The following MCPH1 variants were observed in gnomAD, a reference collection of about 807,000 sequenced individuals.
MCPH1 encodes microcephalin 1, also known as microcephalin.
MCPH1 carries 104 observed loss-of-function variants against 84.5 expected under a neutral mutation model. The ratio of observed to expected loss-of-function variants is 1.23; its 90% CI spans 1.05 to 1.45. The LOEUF is 1.45. Ranked by LOEUF, MCPH1 falls within the 40% of genes most tolerant of loss-of-function variation. MCPH1 has a pLI of 0.00. For missense variants in MCPH1, 1,498 were observed against 1,005.7 expected (o/e 1.49, Z -6.62); for synonymous variants, 514 against 366.8 (o/e 1.40, Z -4.58).
At chr8:6,568,191 GA>G (rs1297222079) in intron 12 of MCPH1, among the ~76,000 whole-genome samples, 5 of 152,148 alleles carry the variant, frequency 3.3e-5, no homozygotes, top group Non-Finnish European at 2.9e-5. Flanking sequence ...GCGCAAACAA[GA>G]AAAGCCAAAG....
intron 13 of MCPH1, among the ~76,000 whole-genome samples, chr8:6,638,508 G>C (rs1315381406): frequency 6.6e-6 from 1 of 151,430 alleles, no homozygotes; most frequent in African/African-American, 2.4e-5. Context: ...ACCACACAGA[G>C]CCATGGCTAG....
At chr8:6,417,885 A>G (rs1246927593) in intron 3 of MCPH1, among the ~76,000 whole-genome samples, 2 of 152,192 alleles carry the variant, frequency 1.3e-5, no homozygotes, top group African/African-American at 4.8e-5. Context: ...TGCACGTTGT[A>G]AATACTATGT....
At chr8:6,637,063 G>T (rs1158355224) in intron 13 of MCPH1, among the ~76,000 whole-genome samples, 1 of 152,182 alleles carries the variant, frequency 6.6e-6, no homozygotes, top group African/African-American at 2.4e-5. Context: ...ATTAGACTGG[G>T]CTACTTTCTT....
chr8:6,638,016 C>T (rs113020485), intron 13 of MCPH1, among the ~76,000 whole-genome samples: 8 of 152,178 alleles, frequency 5.3e-5, no homozygotes, highest in African/African-American at 1.2e-4. Flanking sequence ...AGCCAGGACC[C>T]GGGAGAAGCA....
intron 8 of MCPH1, among the ~76,000 whole-genome samples, chr8:6,448,294 G>T (rs949521842): frequency 3.9e-5 from 6 of 152,222 alleles, no homozygotes; most frequent in African/African-American, 1.4e-4. Flanking sequence ...TGTTTCAGCT[G>T]GAGGTAACAG....
At chr8:6,598,975 A>G (rs924033974) in intron 12 of MCPH1, among the ~76,000 whole-genome samples, 1 of 152,222 alleles carries the variant, frequency 6.6e-6, no homozygotes, top group African/African-American at 2.4e-5. Context: ...GACCCTAATT[A>G]GTTCTGATTC....
At chr8:6,526,482 C>G (rs1439528976) in intron 12 of MCPH1, among the ~76,000 whole-genome samples, 1 of 151,684 alleles carries the variant, frequency 6.6e-6, no homozygotes, top group African/African-American at 2.4e-5. Context: ...ATTGTTATAT[C>G]TCAATGATTG....
At chr8:6,599,302 A>C (rs978493055) in intron 12 of MCPH1, among the ~76,000 whole-genome samples, 10 of 152,136 alleles carry the variant, frequency 6.6e-5, no homozygotes, top group African/African-American at 2.4e-4. Context: ...TTTTTTTCCA[A>C]GTGACTCAGG....
At chr8:6,445,935 T>A (rs965960838) in intron 8 of MCPH1, 1 of 987,638 alleles carries the variant, frequency 1.0e-6, no homozygotes, top group African/African-American at 1.7e-5. Context: ...AGGTTCTTAA[T>A]AGTGAGGCTA....
At chr8:6,452,907 C>T (rs962839875) in intron 8 of MCPH1, among the ~76,000 whole-genome samples, 2 of 152,182 alleles carry the variant, frequency 1.3e-5, no homozygotes, top group Non-Finnish European at 2.9e-5. Flanking sequence ...AGTGCATGTT[C>T]GTTGGAATTT....
chr8:6,489,487 G>A (rs975029468), intron 11 of MCPH1, among the ~76,000 whole-genome samples: 3 of 152,172 alleles, frequency 2.0e-5, no homozygotes, highest in Non-Finnish European at 2.9e-5. Flanking sequence ...ATTTCTTCAG[G>A]TGGATGTTGT....
In MCPH1 at chr8:6,406,804, G is replaced by A. The variant is rs573656199; in HGVS notation, c.22+115G>A. 1,151 of 1,201,716 alleles carry A rather than the reference G, an allele frequency of 9.6e-4. 2 individuals carry two copies. The highest frequency in any genetic ancestry group is 1.3e-3 in the Non-Finnish European group (1,060 of 827,468). The allele number at this position is 1,201,716 out of a possible 1,614,324, so 74.4% of individuals were successfully genotyped here. ...GAGCCCCGCTCGCCCCTCCCTCGCT[G>A]CCTGTCTCCCCCAGACCCCCTGCCG... On this transcript the variant is annotated intron_variant, in intron 1 of 13. Transcript: ENST00000344683.
intron 9 of MCPH1, 44 bp from the exon 10 acceptor site, chr8:6,477,548 TTA>T (rs757949894): frequency 6.4e-7 from 1 of 1,559,478 alleles, no homozygotes; most frequent in Non-Finnish European, 8.8e-7. Context: ...AAAATATTTT[TTA>T]TGTTTTTGAC....
chr8:6,433,883 G>C (rs563865136), intron 4 of MCPH1, among the ~76,000 whole-genome samples: 2 of 152,038 alleles, frequency 1.3e-5, no homozygotes, highest in South Asian at 4.2e-4. Flanking sequence ...CCCTCACCCT[G>C]TCTGCTGCCT....
chr8:6,614,979 C>T (rs1197071425), intron 12 of MCPH1, among the ~76,000 whole-genome samples: 5 of 152,322 alleles, frequency 3.3e-5, no homozygotes, highest in African/African-American at 7.2e-5. Flanking sequence ...TCCTAACACA[C>T]GGATCCCCCC....
intron 12 of MCPH1, chr8:6,562,868 G>C: frequency 2.5e-6 from 4 of 1,612,560 alleles, no homozygotes; most frequent in Non-Finnish European, 3.4e-6. Flanking sequence ...ATGCTCTTCC[G>C]AAAGTTGTTA....
At chr8:6,615,051 G>A (rs141437561) in intron 12 of MCPH1, among the ~76,000 whole-genome samples, 2 of 152,314 alleles carry the variant, frequency 1.3e-5, no homozygotes, top group Non-Finnish European at 1.5e-5. Flanking sequence ...GCGTAAGCAC[G>A]AACGGTCTGG....
intron 9 of MCPH1, among the ~76,000 whole-genome samples, chr8:6,475,488 G>A (rs1423212628): frequency 6.6e-6 from 1 of 152,218 alleles, no homozygotes; most frequent in Admixed American, 6.5e-5. Context: ...GCATCCCGGG[G>A]AAAACCCAGG....
At chr8:6,447,393 C>T (rs988257105) in intron 8 of MCPH1, 4 of 985,322 alleles carry the variant, frequency 4.1e-6, no homozygotes, top group Non-Finnish European at 3.6e-6. Flanking sequence ...AAATAAAGGG[C>T]TTTTTGCCAT....
Sources: allele counts gnomAD v4.1 joint callset (sites outside exome capture counted in the v4.1 genomes callset), GRCh38; gene constraint gnomAD v4.1.1; transcripts MANE v1.5; gene names NCBI Gene and HGNC (gene_info 2026-07-23, HGNC 2026-07-21).